The following LRP6 variants were observed in gnomAD, a reference collection of about 807,000 sequenced individuals.
LRP6 encodes the protein low-density lipoprotein receptor-related protein 6.
LRP6 carries 43 observed loss-of-function variants against 184.1 expected under a neutral mutation model. That is an observed-to-expected ratio of 0.23 (90% CI 0.18 to 0.30). The LOEUF (loss-of-function observed/expected upper bound fraction) is 0.30. Ranked by LOEUF, LRP6 falls within the 10% of genes least tolerant of loss-of-function variation. The pLI, the probability that LRP6 is intolerant of heterozygous loss-of-function variation, is 1.00. For synonymous variants in LRP6, 719 were observed against 684.9 expected (o/e 1.05, Z -0.78); for missense variants, 1,571 against 2,005.3 (o/e 0.78, Z 4.14).
intron 2 of LRP6, among the ~76,000 whole-genome samples, chr12:12,240,055 G>A (rs1263405850): frequency 1.3e-5 from 2 of 149,580 alleles, no homozygotes; most frequent in African/African-American, 4.9e-5. Context: ...CACACAAAGA[G>A]ACACACACCA....
chr12:12,196,007 T>C (rs1242744313), intron 3 of LRP6, among the ~76,000 whole-genome samples: 2 of 152,184 alleles, frequency 1.3e-5, no homozygotes, highest in Non-Finnish European at 2.9e-5. Context: ...TATAGATGCA[T>C]GGATTAATTT....
chr12:12,169,849 A>G (rs1331720530), intron 7 of LRP6, among the ~76,000 whole-genome samples: 3 of 152,162 alleles, frequency 2.0e-5, no homozygotes, highest in Non-Finnish European at 4.4e-5. Flanking sequence ...AAGATTTATT[A>G]AAGATTTTTT....
At position 12,126,918 on chromosome 12, in the gene LRP6, G is replaced by A. The variant is rs758103978; in HGVS notation, c.4085C>T (p.Pro1362Leu). Residue 1362 changes from proline (P) to leucine (L), a missense_variant, in exon 20 of 23, where the codon CCG becomes CTG. Transcript: ENST00000261349. ...SDKSDELDCY[P>L]TEEPAPQATN... is the part of the protein sequence containing the mutation. ...GGCCTGTGGTGCTGGTTCTTCAGTC[G>A]GATCTACAATGAAGAATGCAGTATG... 1.2e-5 allele frequency: 20 copies of A among 1,611,286 alleles called. No individual in the cohort carries two copies. In the African/African-American group the frequency reaches 2.1e-4, roughly 17 times the overall value.
At chr12:12,206,376 A>T (rs1007042666) in intron 2 of LRP6, among the ~76,000 whole-genome samples, 1 of 151,654 alleles carries the variant, frequency 6.6e-6, no homozygotes, top group Non-Finnish European at 1.5e-5. Flanking sequence ...CCCTGTCTCT[A>T]TTAAAAATAC....
In LRP6 at chr12:12,135,231, G is replaced by A; in HGVS notation, c.3677C>T (p.Thr1226Ile). 6.2e-7 allele frequency: 1 copy of A among 1,613,258 alleles called. No homozygotes were observed. The highest frequency in any genetic ancestry group is 8.5e-7 in the Non-Finnish European group (1 of 1,179,480). The change falls in exon 17 of 23, where the codon ACA (threonine) becomes ATA (isoleucine). Residue 1226 changes from threonine (T) to isoleucine (I), a missense_variant. This residue lies in a region of LRP6 where 763 missense variants were observed against 859.5 expected (regional missense o/e 0.89). Coordinates refer to ENST00000261349, the MANE Select transcript of LRP6 (RefSeq NM_002336.3). The part of the protein sequence containing the change: ...HICLVKGDGT[T>I]RCSCPMHLVL... Reference sequence around the variant, plus strand: ...CAGGTGCATGGGGCAAGAACACCTTGTAGTACCATCCCCCTTTACAAGACA... The same window carrying A: ...CAGGTGCATGGGGCAAGAACACCTTATAGTACCATCCCCCTTTACAAGACA...
At chr12:12,204,111 T>C (rs899478855) in intron 2 of LRP6, among the ~76,000 whole-genome samples, 4 of 152,164 alleles carry the variant, frequency 2.6e-5, no homozygotes, top group Non-Finnish European at 5.9e-5. Flanking sequence ...TACCTCTTCA[T>C]GTGATATACC....
At position 12,169,865 on chromosome 12, in the gene LRP6, C is replaced by T. The variant is rs1862984942; in HGVS notation, c.1546-4570G>A. ...AGATTTATTAAAGATTTTTTTAAAA[C>T]CACGTTTTGTAAGCACACTGTTTCC... On this transcript the variant is annotated intron_variant, in intron 7 of 22. Transcript: ENST00000261349. Among the ~76,000 whole-genome samples, 6 of 151,992 alleles carry T rather than the reference C, an allele frequency of 3.9e-5. No individual in the cohort carries two copies. In the South Asian group the frequency reaches 1.2e-3, roughly 32 times the overall value.
chr12:12,181,853 T>C (rs1276668195), intron 5 of LRP6, among the ~76,000 whole-genome samples: 1 of 152,208 alleles, frequency 6.6e-6, no homozygotes, highest in East Asian at 1.9e-4. Context: ...TTGTGCTTGA[T>C]AGGAATGTTC....
intron 12 of LRP6, among the ~76,000 whole-genome samples, chr12:12,153,614 A>G (rs1950110310): frequency 6.6e-6 from 1 of 152,216 alleles, no homozygotes; most frequent in Non-Finnish European, 1.5e-5. Flanking sequence ...AAGGCAGCTA[A>G]TATTTTGACC....
intron 2 of LRP6, among the ~76,000 whole-genome samples, chr12:12,207,515 CA>C (rs993380924): frequency 1.8e-4 from 28 of 151,480 alleles, no homozygotes; most frequent in Non-Finnish European, 1.0e-4. Flanking sequence ...GAGATTCCGT[CA>C]AAAAAATAAT....
intron 4 of LRP6, among the ~76,000 whole-genome samples, chr12:12,184,427 G>A: frequency 6.6e-6 from 1 of 151,604 alleles, no homozygotes; most frequent in East Asian, 1.9e-4. Context: ...ATAAAACTAA[G>A]TGCTATTTTG....
chr12:12,138,761 A>G, intron 15 of LRP6: 1 of 1,498,034 alleles, frequency 6.7e-7, no homozygotes, highest in African/African-American at 1.4e-5. Context: ...TGTGCAGTAA[A>G]TATTCTAGTT....
At chr12:12,202,716 C>T (rs1863948431) in intron 3 of LRP6, among the ~76,000 whole-genome samples, 1 of 152,172 alleles carries the variant, frequency 6.6e-6, no homozygotes, top group Non-Finnish European at 1.5e-5. Flanking sequence ...AAACCCCGTC[C>T]TAGTGTAGAG....
At chr12:12,128,410 T>C (rs1418394479) in intron 19 of LRP6, among the ~76,000 whole-genome samples, 2 of 152,246 alleles carry the variant, frequency 1.3e-5, no homozygotes, top group Non-Finnish European at 2.9e-5. Context: ...CTTACTGTCC[T>C]GGGAGATTCT....
In LRP6 at chr12:12,244,449, T is replaced by C; in HGVS notation, c.262A>G (p.Asn88Asp). The change falls in exon 2 of 23, where the codon AAT becomes GAT. Residue 88 changes from asparagine to aspartate, a missense_variant. Physicochemically the swap from Asn to Asp is conservative, Grantham distance 23. Coordinates refer to ENST00000261349, the MANE Select transcript of LRP6 (RefSeq NM_002336.3). Reference sequence around the variant, plus strand: ...GACAATAATCCAGAAACAACAACATTCTGCACACTCTCAGTTTTGTTAAAT... The same window carrying C: ...GACAATAATCCAGAAACAACAACATCCTGCACACTCTCAGTTTTGTTAAAT... ...TEFNKTESVQ[N>D]VVVSGLLSPD... 6.2e-7 allele frequency: 1 copy of C among 1,614,154 alleles called. No homozygotes were observed. The highest frequency in any genetic ancestry group is 8.5e-7 in the Non-Finnish European group (1 of 1,180,022).
At chr12:12,256,092 T>C (rs1383386215) in intron 1 of LRP6, among the ~76,000 whole-genome samples, 1 of 152,326 alleles carries the variant, frequency 6.6e-6, no homozygotes. Context: ...CTTTCTGATT[T>C]ATAAAACGAA....
intron 2 of LRP6, among the ~76,000 whole-genome samples, chr12:12,211,958 G>C (rs140771308): frequency 1.0e-3 from 153 of 152,172 alleles, no homozygotes; most frequent in African/African-American, 3.5e-3. Context: ...GATGCATTTT[G>C]AGCGCCTCTA....
intron 1 of LRP6, among the ~76,000 whole-genome samples, chr12:12,260,911 A>G (rs1217159315): frequency 1.3e-5 from 2 of 152,214 alleles, no homozygotes; most frequent in Admixed American, 1.3e-4. Context: ...CCCATGGCCT[A>G]AATAGCACTA....
In LRP6 at chr12:12,266,937, G is replaced by GCGCGACGCCAGCGTCTGCTTCCAT. The variant is rs1865786687; in HGVS notation, c.-226_-203dup. On this transcript the variant is annotated 5_prime_UTR_variant, in exon 1 of 23. In the 5' UTR this introduces an upstream ATG that the reference lacks. Transcript: ENST00000261349. ...TACCGCGCCGCTCGGCCCCGGGCTC[G>GCGCGACGCCAGCGTCTGCTTCCAT]CGCGACGCCAGCGTCTGCTTCCATC... is the stretch of plus-strand genomic sequence containing the variant. 2 of 581,074 alleles carry GCGCGACGCCAGCGTCTGCTTCCAT rather than the reference G, an allele frequency of 3.4e-6. No homozygotes were observed. The highest frequency in any genetic ancestry group is 6.0e-6 in the Non-Finnish European group (2 of 330,642). The allele number at this position is 581,074 out of a possible 1,614,324, so 36.0% of individuals were successfully genotyped here.
Sources: gnomAD v4.1 joint callset for allele counts (sites outside exome capture counted in the v4.1 genomes callset) on GRCh38, gnomAD v4.1.1 for gene constraint, gnomAD v4.1.1 regional missense constraint, MANE v1.5 for transcripts, NCBI Gene and HGNC (gene_info 2026-07-23, HGNC 2026-07-21) for gene names.